Variants in NPM2 observed in about 807,000 individuals in gnomAD.
The protein encoded by NPM2 is nucleoplasmin-2.
NPM2 carries 25 observed loss-of-function variants against 32.0 expected under a neutral mutation model. The observed-to-expected ratio is 0.78, with a 90% CI of 0.57 to 1.09. The LOEUF (loss-of-function observed/expected upper bound fraction) is 1.09. Ranked by LOEUF, NPM2 falls within the 50% of genes least tolerant of loss-of-function variation. The pLI is 0.00. For synonymous variants in NPM2, 111 were observed against 94.2 expected (o/e 1.18, Z -1.04); for missense variants, 282 against 259.9 (o/e 1.08, Z -0.58).
intron 5 of NPM2, among the ~76,000 whole-genome samples, chr8:22,030,126 C>A (rs1800388835): frequency 6.6e-6 from 1 of 152,192 alleles, no homozygotes; most frequent in African/African-American, 2.4e-5. Context: ...CCCAATGTTT[C>A]TTTAAATCTC....
At chr8:22,027,637 A>C (rs1585510574) in intron 5 of NPM2, among the ~76,000 whole-genome samples, 5 of 141,200 alleles carry the variant, frequency 3.5e-5, no homozygotes, top group Admixed American at 7.3e-5. Flanking sequence ...ATGGAGTTTC[A>C]CTCTTATCAC....
rs1053561086 is a variant in NPM2 at position 22,025,481 on chromosome 8, A to G, written c.104A>G (p.Gln35Arg). 1.7e-5 allele frequency: 27 copies of G among 1,614,016 alleles called. No homozygotes were observed. The highest frequency in any genetic ancestry group is 1.2e-4 in the Admixed American group (7 of 59,998). The stretch of plus-strand genomic sequence containing the variant: ...AGGCGGACTTGGACCTTCAGACCCC[A>G]GCTGGAGGGGAAGCAGAGCTGCAGG... Reference protein sequence around the residue: ...QERRTWTFRPQLEGKQSCRLL... With the variant: ...QERRTWTFRPRLEGKQSCRLL... Residue 35 changes from glutamine (Q) to arginine (R), a missense_variant, in exon 4 of 10, where the codon CAG (glutamine) becomes CGG (arginine). Transcript: ENST00000518119.
At position 22,036,496 on chromosome 8, in the gene NPM2, C is replaced by T; in HGVS notation, c.570C>T (p.Ala190=). ...KLEKEEEEIR[A]SVRDKSPVKK... ...GCTCCGCTCCACCCTGTTGCAGAGC[C>T]AGCGTTAGAGACAAGAGCCCTGTGA... The change falls in exon 9 of 10, where the codon GCC becomes GCT. Residue 190 remains alanine, a synonymous_variant. Coordinates refer to ENST00000518119, the MANE Select transcript of NPM2 (RefSeq NM_001286680.2). The T allele has an allele frequency of 1.2e-6, 2 of 1,605,048 alleles. No individual in the cohort carries two copies. Among genetic ancestry groups the T allele is most frequent in the East Asian group, 2.3e-5 (1 of 44,282 alleles).
chr8:22,026,779 A>T (rs116660828), intron 5 of NPM2, among the ~76,000 whole-genome samples: 5,670 of 152,042 alleles, frequency 0.037, 342 homozygotes, highest in African/African-American at 0.13. Context: ...CTTTCTTTTA[A>T]TCCTACTGCA....
In NPM2 at chr8:22,024,492, G is replaced by A. The variant is rs1800162527; in HGVS notation, c.-272G>A. 1 of 152,338 alleles carries A rather than the reference G, an allele frequency of 6.6e-6. No individual in the cohort carries two copies. The highest frequency in any genetic ancestry group is 2.1e-4 in the South Asian group (1 of 4,832). 9.4% of individuals were successfully genotyped at this position (152,338 alleles called of 1,614,324 possible). A position where few individuals can be genotyped will look rare whatever the true frequency, so the allele number is the denominator to read the frequency against. ...TTGGCCGGGACAGCTTCTCACGAAA[G>A]GTCCTGGGCCGGCATCATCAGCCTC... is the stretch of plus-strand genomic sequence containing the variant. On this transcript the variant is annotated 5_prime_UTR_variant, in exon 1 of 10. Coordinates refer to ENST00000518119, the MANE Select transcript of NPM2 (RefSeq NM_001286680.2).
At chr8:22,036,586 G>A in intron 9 of NPM2, 52 bp from the exon 10 acceptor site, 1 of 1,560,138 alleles carries the variant, frequency 6.4e-7, no homozygotes, top group Non-Finnish European at 8.7e-7. Flanking sequence ...GGAGGGGGCT[G>A]CCTGGTATGG....
intron 6 of NPM2, among the ~76,000 whole-genome samples, 181 bp from the exon 7 acceptor site, chr8:22,033,928 T>C (rs1039548622): frequency 1.3e-5 from 2 of 152,022 alleles, no homozygotes; most frequent in African/African-American, 4.8e-5. Flanking sequence ...TGGCCTCCAC[T>C]GTTGGGAGGG....
chr8:22,034,221 C>G lies in NPM2; in HGVS notation c.477C>G (p.Ser159Arg), dbSNP rs1426744020. ...CAGATATATCTCTGGAGGAGCAAAG[C>G]CCTGTCAAACAAGTCAAAAGGCTGG... is the stretch of plus-strand genomic sequence containing the variant. Reference protein sequence around the residue: ...EDADISLEEQSPVKQVKRLVP... With the variant: ...EDADISLEEQRPVKQVKRLVP... The change falls in exon 7 of 10, where the codon AGC (serine) becomes AGG (arginine). Residue 159 changes from serine to arginine, a missense_variant. Ser to Arg is a moderately radical substitution (Grantham distance 110, BLOSUM62 -1). Coordinates refer to ENST00000518119, the MANE Select transcript of NPM2 (RefSeq NM_001286680.2). 1 of 1,610,260 alleles carries G rather than the reference C, an allele frequency of 6.2e-7. No homozygotes were observed. Among genetic ancestry groups the G allele is most frequent in the Admixed American group, 1.7e-5 (1 of 59,702 alleles).
chr8:22,029,044 A>G (rs1319395233), intron 5 of NPM2, among the ~76,000 whole-genome samples: 1 of 151,830 alleles, frequency 6.6e-6, no homozygotes, highest in African/African-American at 2.4e-5. Context: ...TTTACTGTTT[A>G]TCTTTAATTT....
In NPM2 at chr8:22,025,740, A is replaced by G. The variant is rs1285284836; in HGVS notation, c.238A>G (p.Ile80Val). ...GGACAAGAAGATGCAGCCGGTCACCATTGCCTCACTCCAGGCCTCAGTCCT... is the reference window on the plus strand; with the variant it reads ...GGACAAGAAGATGCAGCCGGTCACCGTTGCCTCACTCCAGGCCTCAGTCCT... ...QEDKKMQPVT[I>V]ASLQASVLPM... The change falls in exon 5 of 10, where the codon ATT becomes GTT. Residue 80 changes from isoleucine to valine, a missense_variant. By Grantham distance (29) the Ile-to-Val change is conservative (BLOSUM62 3). Transcript: ENST00000518119. 6.2e-7 allele frequency: 1 copy of G among 1,614,058 alleles called. No individual in the cohort carries two copies. Among genetic ancestry groups the G allele is most frequent in the Non-Finnish European group, 8.5e-7 (1 of 1,179,986 alleles).
At position 22,036,807 on chromosome 8, in the gene NPM2, A is replaced by G; in HGVS notation, c.*125A>G. ...GCAACAGGGGTGTTGCGGGGGCAAC[A>G]TGAGAGCCCCTCACCCCCAACTCTC... On this transcript the variant is annotated 3_prime_UTR_variant, in exon 10 of 10. Coordinates refer to ENST00000518119, the MANE Select transcript of NPM2 (RefSeq NM_001286680.2). 1 of 941,254 alleles carries G rather than the reference A, an allele frequency of 1.1e-6. No individual in the cohort carries two copies. Among genetic ancestry groups the G allele is most frequent in the Non-Finnish European group, 1.5e-6 (1 of 650,566 alleles). The allele number at this position is 941,254 out of a possible 1,614,324, so 58.3% of individuals were successfully genotyped here. A position where few individuals can be genotyped will look rare whatever the true frequency, so the allele number is the denominator to read the frequency against.
At chr8:22,036,379 G>A (rs1247574348) in intron 8 of NPM2, 114 bp from the exon 9 acceptor site, 48 of 1,008,368 alleles carry the variant, frequency 4.8e-5, no homozygotes, top group Non-Finnish European at 1.5e-6. Context: ...TCCCCAGGAG[G>A]AGCAGCCAGG....
At chr8:22,034,570 G>T (rs1800557756) in intron 8 of NPM2, 26 bp downstream of exon 8, 1 of 1,583,406 alleles carries the variant, frequency 6.3e-7, no homozygotes. Flanking sequence ...TATTAAATTA[G>T]CCAAAGTCTC....
In NPM2 at chr8:22,025,503, C is replaced by T; in HGVS notation, c.126C>T (p.Cys42=). The T allele has an allele frequency of 3.7e-6, 6 of 1,614,136 alleles. No homozygotes were observed. Among genetic ancestry groups the T allele is most frequent in the Non-Finnish European group, 5.1e-6 (6 of 1,179,988 alleles). ...CCCAGCTGGAGGGGAAGCAGAGCTGCAGGCTGTTGCTTCATACGGTAGGTG... is the reference window on the plus strand; with the variant it reads ...CCCAGCTGGAGGGGAAGCAGAGCTGTAGGCTGTTGCTTCATACGGTAGGTG... ...FRPQLEGKQS[C]RLLLHTICLG... is the part of the protein sequence containing the mutation. Residue 42 remains cysteine, a synonymous_variant, in exon 4 of 10, where the codon TGC becomes TGT. Coordinates refer to ENST00000518119, the MANE Select transcript of NPM2 (RefSeq NM_001286680.2).
intron 2 of NPM2, 167 bp from the exon 3 acceptor site, chr8:22,025,049 G>C (rs1800187751): frequency 3.5e-6 from 2 of 577,486 alleles, no homozygotes; most frequent in Non-Finnish European, 6.0e-6. Flanking sequence ...CCCGCTAGGA[G>C]GTGGGTACTC....
chr8:22,027,852 C>A (rs961101706), intron 5 of NPM2, among the ~76,000 whole-genome samples: 6 of 152,132 alleles, frequency 3.9e-5, no homozygotes, highest in African/African-American at 1.4e-4. Flanking sequence ...GGTGATATAC[C>A]CGCCTTGGCC....
intron 5 of NPM2, among the ~76,000 whole-genome samples, chr8:22,026,144 A>G (rs1018185020): frequency 6.6e-6 from 1 of 152,040 alleles, no homozygotes; most frequent in African/African-American, 2.4e-5. Flanking sequence ...AGGAGCATGA[A>G]CCCTATGGTA....
At chr8:22,036,616 G>A in intron 9 of NPM2, 22 bp from the exon 10 acceptor site, 2 of 1,552,622 alleles carry the variant, frequency 1.3e-6, no homozygotes, top group Non-Finnish European at 8.7e-7. Context: ...CGGGACCCTG[G>A]AGCCCTGCCT....
intron 5 of NPM2, among the ~76,000 whole-genome samples, chr8:22,031,184 C>T (rs1366897687): frequency 6.6e-6 from 1 of 152,198 alleles, no homozygotes; most frequent in Admixed American, 6.6e-5. Context: ...TATGGGCTCT[C>T]ACTGGAGACT....
Sources: allele counts gnomAD v4.1 joint callset (sites outside exome capture counted in the v4.1 genomes callset), GRCh38; gene constraint gnomAD v4.1.1; transcripts MANE v1.5; gene names NCBI Gene and HGNC (gene_info 2026-07-23, HGNC 2026-07-21).